The following ARHGAP24 variants were observed in gnomAD, a reference collection of about 807,000 sequenced individuals.
ARHGAP24 encodes rho GTPase-activating protein 24.
A neutral mutation model predicts 76.4 loss-of-function variants in ARHGAP24; 50 were observed. The ratio of observed to expected loss-of-function variants is 0.65; its 90% CI spans 0.52 to 0.83. The LOEUF is 0.83. ARHGAP24 is among the 40% of genes least tolerant of loss of function. The pLI is 0.00. For missense variants in ARHGAP24, 930 were observed against 914.2 expected (o/e 1.02, Z -0.22); for synonymous variants, 345 against 323.3 (o/e 1.07, Z -0.72).
intron 4 of ARHGAP24, chr4:85,930,749 G>C: frequency 7.4e-7 from 1 of 1,345,470 alleles, no homozygotes. Flanking sequence ...TGCTAAACAG[G>C]AGTAAATGAG....
chr4:85,991,953 A>G, intron 8 of ARHGAP24: 1 of 389,692 alleles, frequency 2.6e-6, no homozygotes, highest in Non-Finnish European at 4.5e-6. Context: ...TTTTTTAAAG[A>G]AAAATCAAAT....
chr4:85,701,268 C>G (rs960578391), intron 2 of ARHGAP24, among the ~76,000 whole-genome samples: 2 of 152,032 alleles, frequency 1.3e-5, no homozygotes, highest in African/African-American at 4.8e-5. Context: ...TGCCTCATAG[C>G]CTTTTGTTTT....
intron 3 of ARHGAP24, among the ~76,000 whole-genome samples, chr4:85,822,105 T>A (rs1729498870): frequency 6.6e-6 from 1 of 152,176 alleles, no homozygotes; most frequent in South Asian, 2.1e-4. Flanking sequence ...CTTGGTCAGC[T>A]GATGGAGCAT....
At chr4:85,929,509 T>C (rs1481837090) in intron 4 of ARHGAP24, among the ~76,000 whole-genome samples, 1 of 152,068 alleles carries the variant, frequency 6.6e-6, no homozygotes, top group Non-Finnish European at 1.5e-5. Context: ...AGCAAGTAAA[T>C]TGTTCAGTGA....
Position 85,487,726 on chromosome 4 carries a change from ATATTATATATTATATAATATATATT to A in ARHGAP24, c.-21+12210_-21+12234del, listed in dbSNP as rs1270077824. Among the ~76,000 whole-genome samples the A allele has an allele frequency of 6.6e-3, 678 of 102,700 alleles. 3 individuals carry two copies. The highest frequency in any genetic ancestry group is 9.0e-3 in the Admixed American group (61 of 6,810). 67.4% of individuals were successfully genotyped at this position (102,700 alleles called of 152,430 possible). ...TATTATATTATATAAATATATATTT[ATATTATATATTATATAATATATATT>A]TATTATATATTATATAATATATATT... On this transcript the variant is annotated intron_variant, in intron 1 of 9. Coordinates refer to ENST00000395184, the MANE Select transcript of ARHGAP24 (RefSeq NM_001025616.3).
chr4:85,707,499 T>A (rs899688125), intron 2 of ARHGAP24, among the ~76,000 whole-genome samples: 2 of 152,242 alleles, frequency 1.3e-5, no homozygotes, highest in Non-Finnish European at 2.9e-5. Flanking sequence ...GTGGTTATAA[T>A]AATCATAAAA....
chr4:85,497,069 A>C (rs947044943), intron 1 of ARHGAP24, among the ~76,000 whole-genome samples: 2 of 152,250 alleles, frequency 1.3e-5, no homozygotes, highest in Non-Finnish European at 2.9e-5. Context: ...GTTGATAAAG[A>C]GGAAGGAATG....
At chr4:85,633,854 A>G (rs1204520663) in intron 2 of ARHGAP24, among the ~76,000 whole-genome samples, 1 of 151,902 alleles carries the variant, frequency 6.6e-6, no homozygotes, top group Admixed American at 6.6e-5. Flanking sequence ...CTCTGCAACC[A>G]GATTCTACTG....
At chr4:85,777,954 C>T (rs943286667) in intron 3 of ARHGAP24, among the ~76,000 whole-genome samples, 1 of 152,052 alleles carries the variant, frequency 6.6e-6, no homozygotes, top group African/African-American at 2.4e-5. Flanking sequence ...ATTATACAAT[C>T]AACAATAATC....
chr4:85,623,670 A>G (rs1720809056), intron 2 of ARHGAP24, among the ~76,000 whole-genome samples: 1 of 151,604 alleles, frequency 6.6e-6, no homozygotes, highest in Non-Finnish European at 1.5e-5. Flanking sequence ...GAATCTATAA[A>G]TTACCATGGG....
intron 3 of ARHGAP24, among the ~76,000 whole-genome samples, chr4:85,894,952 C>G: frequency 1.4e-5 from 1 of 72,008 alleles, no homozygotes; most frequent in African/African-American, 6.3e-5. Flanking sequence ...CAGAATGAGA[C>G]TCCCTCTCAA....
Position 85,612,121 on chromosome 4 carries a change from C to CACACACAG in ARHGAP24, c.180+41401_180+41402insCACACAGA, listed in dbSNP as rs1050041217. ...ACACACACACACACACACACACACA[C>CACACACAG]AGACCAGTGTATAGCTGCCGGGCGC... is the stretch of plus-strand genomic sequence containing the variant. On this transcript the variant is annotated intron_variant, in intron 2 of 9. Coordinates refer to ENST00000395184, the MANE Select transcript of ARHGAP24 (RefSeq NM_001025616.3). 2.1e-3 allele frequency among the ~76,000 whole-genome samples: 296 copies of CACACACAG among 142,324 alleles called. No individual in the cohort carries two copies. The South Asian group carries it at 0.022, about 11-fold the overall frequency. The allele number at this position is 142,324 out of a possible 152,430, so 93.4% of individuals were successfully genotyped here.
intron 5 of ARHGAP24, among the ~76,000 whole-genome samples, chr4:85,962,264 T>C (rs1004372571): frequency 2.6e-5 from 4 of 152,098 alleles, no homozygotes; most frequent in African/African-American, 9.7e-5. Flanking sequence ...AGTGTTTGTG[T>C]ATCAGGAATC....
At chr4:85,649,530 A>C (rs1721855856) in intron 2 of ARHGAP24, among the ~76,000 whole-genome samples, 1 of 152,100 alleles carries the variant, frequency 6.6e-6, no homozygotes, top group Admixed American at 6.6e-5. Flanking sequence ...TTAATGTATT[A>C]TAAAGTATTT....
intron 3 of ARHGAP24, among the ~76,000 whole-genome samples, chr4:85,920,174 C>T (rs563037203): frequency 6.6e-6 from 1 of 152,176 alleles, no homozygotes; most frequent in South Asian, 2.1e-4. Context: ...GTACTTTTTG[C>T]ATAGGTAAGG....
intron 3 of ARHGAP24, among the ~76,000 whole-genome samples, chr4:85,784,161 T>C (rs1337977181): frequency 6.6e-6 from 1 of 152,234 alleles, no homozygotes; most frequent in Non-Finnish European, 1.5e-5. Flanking sequence ...CAACAGCTTT[T>C]TATCTCTGTC....
At chr4:85,605,047 A>C (rs1374633427) in intron 2 of ARHGAP24, among the ~76,000 whole-genome samples, 1 of 152,210 alleles carries the variant, frequency 6.6e-6, no homozygotes, top group East Asian at 1.9e-4. Context: ...GGCTATGAAC[A>C]TTTACATATA....
At chr4:85,964,197 A>G (rs1020377604) in intron 5 of ARHGAP24, among the ~76,000 whole-genome samples, 3 of 152,120 alleles carry the variant, frequency 2.0e-5, no homozygotes, top group Non-Finnish European at 4.4e-5. Flanking sequence ...AGAATCACCA[A>G]TCACTGTTAG....
chr4:85,487,427 AATATATAAATAT>A lies in ARHGAP24; in HGVS notation c.-21+11873_-21+11884del, dbSNP rs1200343950. ...ATATATATTTATTATATATTATATA[AATATATAAATAT>A]ATATTTATTATATATTATATAAACA... On this transcript the variant is annotated intron_variant, in intron 1 of 9. Coordinates refer to ENST00000395184, the MANE Select transcript of ARHGAP24 (RefSeq NM_001025616.3). Among the ~76,000 whole-genome samples, 12 of 101,130 alleles carry A rather than the reference AATATATAAATAT, an allele frequency of 1.2e-4. No individual in the cohort carries two copies. In the East Asian group the frequency reaches 3.7e-3, roughly 31 times the overall value. 66.3% of individuals were successfully genotyped at this position (101,130 alleles called of 152,430 possible).
Sources: allele counts gnomAD v4.1 joint callset (sites outside exome capture counted in the v4.1 genomes callset), GRCh38; gene constraint gnomAD v4.1.1; transcripts MANE v1.5; gene names NCBI Gene and HGNC (gene_info 2026-07-23, HGNC 2026-07-21).